CARS1: variants seen among roughly 807,000 people sequenced by gnomAD.
CARS1 encodes cysteine--tRNA ligase, cytoplasmic.
CARS1 carries 48 observed loss-of-function variants against 106.2 expected under a neutral mutation model. The observed-to-expected ratio is 0.45, with a 90% CI of 0.36 to 0.57. CARS1 has a LOEUF of 0.57. Among genes scored for constraint, CARS1 ranks in the 20% least tolerant of loss-of-function variants. The pLI, the probability that CARS1 is intolerant of heterozygous loss-of-function variation, is 0.00. For missense variants in CARS1, 968 were observed against 1,057.2 expected (o/e 0.92, Z 1.17); for synonymous variants, 409 against 403.4 (o/e 1.01, Z -0.17).
Position 3,020,899 on chromosome 11 carries a change from A to C in CARS1, c.1154-567T>G, listed in dbSNP as rs2134157988. Among the ~76,000 whole-genome samples, 1 of 152,272 alleles carries C rather than the reference A, an allele frequency of 6.6e-6. No individual in the cohort carries two copies. The highest frequency in any genetic ancestry group is 2.4e-5 in the African/African-American group (1 of 41,544). On this transcript the variant is annotated intron_variant, in intron 10 of 22. Coordinates refer to ENST00000380525, the MANE Select transcript of CARS1 (RefSeq NM_001014437.3). The surrounding 1 kb of genome is among the most constrained non-coding windows in gnomAD (Gnocchi z 4.6). Reference sequence around the variant, plus strand: ...GCTGTTCCTGTGTATTTATAAGGGGAAAATAGGTGAAGGAAACTAAAGAAT... The same window carrying C: ...GCTGTTCCTGTGTATTTATAAGGGGCAAATAGGTGAAGGAAACTAAAGAAT...
At chr11:3,027,390 A>T (rs1852194676) in intron 9 of CARS1, 1 of 155,160 alleles carries the variant, frequency 6.4e-6, no homozygotes, top group South Asian at 2.0e-4. Context: ...AAGCAATCTG[A>T]GGCTGGACAC....
chr11:3,017,259 G>C lies in CARS1; in HGVS notation c.1764C>G (p.Leu588=), dbSNP rs745969444. 2 of 1,613,996 alleles carry C rather than the reference G, an allele frequency of 1.2e-6. No homozygotes were observed. The highest frequency in any genetic ancestry group is 8.5e-7 in the Non-Finnish European group (1 of 1,179,956). ...CGGTGCGGGTGTCAACATTGTCACA[G>C]AGGGCTTTGTGAATTGCTGTCTTCT... is the stretch of plus-strand genomic sequence containing the variant. The part of the protein sequence containing the change: ...YDKKTAIHKA[L]CDNVDTRTVM... The change falls in exon 16 of 23, where the codon CTC becomes CTG. Residue 588 remains leucine (L), a synonymous_variant. Transcript: ENST00000380525. The surrounding 1 kb of genome is among the most constrained non-coding windows in gnomAD (Gnocchi z 4.9).
Position 3,002,073 on chromosome 11 carries a change from A to G in CARS1, c.2278-20T>C. 6.4e-7 allele frequency: 1 copy of G among 1,558,388 alleles called. No individual in the cohort carries two copies. The highest frequency in any genetic ancestry group is 8.9e-7 in the Non-Finnish European group (1 of 1,129,548). ...TGCTGCCTAGAACACGCAACACGGC[A>G]CAGTCACTGCCCCCGAGCAGCACCT... On this transcript the variant is annotated intron_variant, in intron 21 of 22. Transcript: ENST00000380525.
chr11:3,004,765 A>G lies in CARS1; in HGVS notation c.2217+601T>C, dbSNP rs1849694026. ...TGGGAATAGGAGGTGGAGATGCATC[A>G]GTGACACGCGCCACTCAGGTGAGGG... On this transcript the variant is annotated intron_variant, in intron 20 of 22. Transcript: ENST00000380525. This position sits in a 1 kb window ranked among gnomAD's most constrained non-coding sequence, Gnocchi z 5.2. Among the ~76,000 whole-genome samples, 1 of 152,184 alleles carries G rather than the reference A, an allele frequency of 6.6e-6. No individual in the cohort carries two copies. The highest frequency in any genetic ancestry group is 2.1e-4 in the South Asian group (1 of 4,826).
At chr11:3,049,454 C>T (rs1444073982) in intron 1 of CARS1, among the ~76,000 whole-genome samples, 5 of 152,232 alleles carry the variant, frequency 3.3e-5, no homozygotes, top group African/African-American at 1.2e-4. Context: ...CCACAGCCCA[C>T]GTCCCTAAAG....
chr11:3,037,334 A>C lies in CARS1; in HGVS notation c.801+716T>G, dbSNP rs1218423830. Among the ~76,000 whole-genome samples the C allele has an allele frequency of 6.6e-6, 1 of 152,256 alleles. No individual in the cohort carries two copies. The highest frequency in any genetic ancestry group is 1.5e-5 in the Non-Finnish European group (1 of 68,042). ...AGGGCAGACACAGACTCCCTGCCCCATCACTGAGGTGGGGCCAGGGCAGTG... is the reference window on the plus strand; with the variant it reads ...AGGGCAGACACAGACTCCCTGCCCCCTCACTGAGGTGGGGCCAGGGCAGTG... On this transcript the variant is annotated intron_variant, in intron 7 of 22. Transcript: ENST00000380525. This position sits in a 1 kb window ranked among gnomAD's most constrained non-coding sequence, Gnocchi z 5.9.
rs142132068 is a variant in CARS1, at chr11:3,022,968, G to A, written c.1154-2636C>T. 7.2e-4 allele frequency among the ~76,000 whole-genome samples: 110 copies of A among 152,306 alleles called. 2 individuals carry two copies. The highest frequency in any genetic ancestry group is 4.0e-4 in the Non-Finnish European group (27 of 68,020). On this transcript the variant is annotated intron_variant, in intron 10 of 22. Transcript: ENST00000380525. The surrounding 1 kb of genome is among the most constrained non-coding windows in gnomAD (Gnocchi z 4.9). The stretch of plus-strand genomic sequence containing the variant: ...GTTGCGGGGGTGGTCATGTGCCCAC[G>A]TCTGATCACTGACTGTGGAGGGGTG...
At chr11:3,042,413 G>C (rs1854583761) in intron 2 of CARS1, 157 bp from the exon 3 acceptor site, 1 of 582,006 alleles carries the variant, frequency 1.7e-6, no homozygotes, top group African/African-American at 1.9e-5. Flanking sequence ...CATTACGCAG[G>C]TCAAAGACAA....
In CARS1 at chr11:3,020,185, G is replaced by T; in HGVS notation, c.1266+35C>A. ...GAGTGTGGCTGGCGCCAGTGCCCCT[G>T]TCCAAGCCCCACACCTTCTAGGCCA... On this transcript the variant is annotated intron_variant, in intron 11 of 22. Coordinates refer to ENST00000380525, the MANE Select transcript of CARS1 (RefSeq NM_001014437.3). This position sits in a 1 kb window ranked among gnomAD's most constrained non-coding sequence, Gnocchi z 4.6. 7.7e-7 allele frequency: 1 copy of T among 1,302,540 alleles called. No homozygotes were observed. The highest frequency in any genetic ancestry group is 1.1e-6 in the Non-Finnish European group (1 of 895,828). The allele number at this position is 1,302,540 out of a possible 1,614,324, so 80.7% of individuals were successfully genotyped here. A position where few individuals can be genotyped will look rare whatever the true frequency, so the allele number is the denominator to read the frequency against.
rs1565052106 is a variant in CARS1, at chr11:3,022,005, C to T, written c.1154-1673G>A. 6.6e-6 allele frequency among the ~76,000 whole-genome samples: 1 copy of T among 152,170 alleles called. No individual in the cohort carries two copies. The highest frequency in any genetic ancestry group is 6.5e-5 in the Admixed American group (1 of 15,276). ...GATAACAGAGAACACAGGACCCTCC[C>T]CACAAACACCCTATCCTTCAGCAAA... On this transcript the variant is annotated intron_variant, in intron 10 of 22. Transcript: ENST00000380525. This position sits in a 1 kb window ranked among gnomAD's most constrained non-coding sequence, Gnocchi z 4.9.
intron 17 of CARS1, among the ~76,000 whole-genome samples, chr11:3,013,777 C>T (rs909366867): frequency 3.9e-5 from 6 of 152,206 alleles, no homozygotes; most frequent in Admixed American, 2.6e-4. Context: ...CACTTGAACT[C>T]GGGAGGCAGA....
intron 18 of CARS1, chr11:3,007,239 T>C (rs1849970317): frequency 8.2e-6 from 4 of 490,784 alleles, no homozygotes; most frequent in South Asian, 3.3e-5. Context: ...GGAGGAAGCA[T>C]AGCACACTGG....
intron 1 of CARS1, among the ~76,000 whole-genome samples, 155 bp downstream of exon 1, chr11:3,057,164 CGCACTGACACCCCTCAGACCTCGG>C (rs1400698397): frequency 1.3e-5 from 2 of 151,342 alleles, no homozygotes; most frequent in Non-Finnish European, 1.5e-5. Flanking sequence ...TCAGACCCCG[CGCACTGACACCCCTCAGACCTCGG>C]GCACTGCCGC....
Position 3,005,427 on chromosome 11 carries a change from G to A in CARS1, c.2156C>T (p.Pro719Leu), listed in dbSNP as rs1170420531. ...TCTGTCTACCAGTTTCACCACTGTGGGCAGTCCTGCAAAATAAACTGCGTG... is the reference window on the plus strand; with the variant it reads ...TCTGTCTACCAGTTTCACCACTGTGAGCAGTCCTGCAAAATAAACTGCGTG... ...GVRFEDHEGLPTVVKLVDRNT... is the reference protein window; with the variant it reads ...GVRFEDHEGLLTVVKLVDRNT... Residue 719 changes from proline to leucine, a missense_variant, in exon 20 of 23, where the codon CCC (proline) becomes CTC (leucine). Pro to Leu is a moderately conservative substitution (Grantham distance 98). Transcript: ENST00000380525. The A allele has an allele frequency of 3.1e-6, 5 of 1,613,194 alleles. No individual in the cohort carries two copies. Among genetic ancestry groups the A allele is most frequent in the African/African-American group, 2.7e-5 (2 of 74,808 alleles).
At chr11:3,009,249 G>C (rs1268241278) in intron 18 of CARS1, 1 of 152,270 alleles carries the variant, frequency 6.6e-6, no homozygotes, top group Non-Finnish European at 1.5e-5. Context: ...CATGGAATAT[G>C]ATTTGGCCAT....
chr11:3,047,781 G>A lies in CARS1; in HGVS notation c.246C>T (p.Gly82=), dbSNP rs777261507. The A allele has an allele frequency of 1.2e-6, 2 of 1,613,360 alleles. No individual in the cohort carries two copies. Among genetic ancestry groups the A allele is most frequent in the Non-Finnish European group, 1.7e-6 (2 of 1,179,528 alleles). ...HIEALLGSPC[G]KGQPCRLQAS... ...CTTGGAGCCTGCAGGGCTGGCCTTT[G>A]CCACAGGGGCTACCCAGGAGCGCTT... Residue 82 remains glycine, a synonymous_variant, in exon 2 of 23, where the codon GGC becomes GGT. Coordinates refer to ENST00000380525, the MANE Select transcript of CARS1 (RefSeq NM_001014437.3).
chr11:3,032,535 C>G (rs1021012974), intron 7 of CARS1, among the ~76,000 whole-genome samples: 2 of 152,078 alleles, frequency 1.3e-5, no homozygotes, highest in African/African-American at 4.8e-5. Flanking sequence ...CCAGCTGATG[C>G]CTGCTAGAGA....
chr11:3,031,993 T>C (rs1852835562), intron 7 of CARS1, among the ~76,000 whole-genome samples: 1 of 10,088 alleles, frequency 9.9e-5, no homozygotes, highest in Non-Finnish European at 2.1e-4. Flanking sequence ...TCTCCTTCCT[T>C]CCTTCCCTCC....
At position 3,028,737 on chromosome 11, in the gene CARS1, G is replaced by T. The variant is rs1852379128; in HGVS notation, c.1031+259C>A. 3.8e-6 allele frequency: 2 copies of T among 519,886 alleles called. No individual in the cohort carries two copies. The highest frequency in any genetic ancestry group is 7.0e-5 in the Admixed American group (2 of 28,728). The allele number at this position is 519,886 out of a possible 1,614,324, so 32.2% of individuals were successfully genotyped here. On this transcript the variant is annotated intron_variant, in intron 9 of 22. Transcript: ENST00000380525. This position sits in a 1 kb window ranked among gnomAD's most constrained non-coding sequence, Gnocchi z 4.4. ...CCATTATGCAGCTCTGGGGCCCCAT[G>T]ACTGATGGTCTTGGCTGCCGAGCTT...
Sources: gnomAD v4.1 joint callset for allele counts (sites outside exome capture counted in the v4.1 genomes callset) on GRCh38, gnomAD v4.1.1 for gene constraint, Gnocchi (gnomAD v3.1) non-coding constraint, MANE v1.5 for transcripts, NCBI Gene and HGNC (gene_info 2026-07-23, HGNC 2026-07-21) for gene names.